The following PARD3B variants were observed in gnomAD, a reference collection of about 807,000 sequenced individuals.
PARD3B encodes partitioning defective 3 homolog B.
A neutral mutation model predicts 130.2 loss-of-function variants in PARD3B; 103 were observed. The ratio of observed to expected loss-of-function variants is 0.79; its 90% CI spans 0.67 to 0.93. The LOEUF (loss-of-function observed/expected upper bound fraction) is 0.93, where lower values mean the gene tolerates loss of function less well. PARD3B is among the 40% of genes least tolerant of loss of function. The pLI is 0.00. For missense variants in PARD3B, 1,609 were observed against 1,499.2 expected (o/e 1.07, Z -1.21); for synonymous variants, 583 against 553.2 (o/e 1.05, Z -0.76).
Position 205,068,528 on chromosome 2 carries a change from T to G in PARD3B, c.504+20838T>G, listed in dbSNP as rs188232645. On this transcript the variant is annotated intron_variant, in intron 4 of 22. Transcript: ENST00000406610. ...TTTCCAGTTTATTAACTTTTGCTTT[T>G]ATTTCCTTTATTTTAGTTTTAAGTA... is the stretch of plus-strand genomic sequence containing the variant. Among the ~76,000 whole-genome samples the G allele has an allele frequency of 2.6e-5, 4 of 152,232 alleles. 1 individual carries two copies. Among genetic ancestry groups the G allele is most frequent in the South Asian group, 4.1e-4 (2 of 4,828 alleles).
chr2:204,803,144 G>GAA (rs67190837), intron 2 of PARD3B, among the ~76,000 whole-genome samples: 41 of 120,120 alleles, frequency 3.4e-4, no homozygotes, highest in African/African-American at 6.7e-4. Context: ...AGTGCTGAAG[G>GAA]AAAAAAAAAA....
intron 18 of PARD3B, among the ~76,000 whole-genome samples, chr2:205,381,107 GA>G (rs1234420082): frequency 1.1e-4 from 7 of 62,552 alleles, no homozygotes; most frequent in African/African-American, 4.1e-4. Context: ...AATATATAAA[GA>G]ATATATATTA....
intron 1 of PARD3B, among the ~76,000 whole-genome samples, chr2:204,602,668 A>G (rs2033560413): frequency 6.6e-6 from 1 of 150,770 alleles, no homozygotes; most frequent in African/African-American, 2.4e-5. Flanking sequence ...ATCAACCCTT[A>G]TTGTGTAAAG....
chr2:205,543,123 G>A (rs1322038135), intron 21 of PARD3B, among the ~76,000 whole-genome samples: 1 of 152,086 alleles, frequency 6.6e-6, no homozygotes, highest in Non-Finnish European at 1.5e-5. Flanking sequence ...AAGATGATAT[G>A]CCAGGCCTTG....
In PARD3B at chr2:205,054,961, A is replaced by G. The variant is rs1699542108; in HGVS notation, c.504+7271A>G. On this transcript the variant is annotated intron_variant, in intron 4 of 22. Coordinates refer to ENST00000406610, the MANE Select transcript of PARD3B (RefSeq NM_001302769.2). The stretch of plus-strand genomic sequence containing the variant: ...TTCCTAACCCCTGAAGGGAATTGCC[A>G]TGTGCAGTATCTCTATTAGCTGTTA... Among the ~76,000 whole-genome samples the G allele has an allele frequency of 2.0e-5, 3 of 152,044 alleles. No homozygotes were observed. The South Asian group carries it at 6.2e-4, about 32-fold the overall frequency.
At chr2:205,605,492 GTTTGT>G (rs975430800) in intron 22 of PARD3B, among the ~76,000 whole-genome samples, 5 of 152,026 alleles carry the variant, frequency 3.3e-5, no homozygotes, top group African/African-American at 4.8e-5. Flanking sequence ...TTGTTTGTTT[GTTTGT>G]TTTAACAGTC....
chr2:205,047,436 A>C (rs2125412239), intron 3 of PARD3B, 145 bp from the exon 4 acceptor site: 1 of 566,104 alleles, frequency 1.8e-6, no homozygotes, highest in East Asian at 2.9e-5. Context: ...AGATCATTAA[A>C]TGGATTAATT....
chr2:204,982,921 A>G (rs1692799865), intron 3 of PARD3B, among the ~76,000 whole-genome samples: 1 of 152,228 alleles, frequency 6.6e-6, no homozygotes, highest in Non-Finnish European at 1.5e-5. Context: ...CAAATTGCAT[A>G]TATCTGAAAG....
chr2:204,942,666 C>T (rs1688994010), intron 2 of PARD3B, among the ~76,000 whole-genome samples: 1 of 151,570 alleles, frequency 6.6e-6, no homozygotes, highest in African/African-American at 2.4e-5. Flanking sequence ...CTTTGGTCAC[C>T]AGTGAACTGA....
intron 2 of PARD3B, among the ~76,000 whole-genome samples, chr2:204,862,187 T>C (rs1461119520): frequency 6.6e-6 from 1 of 152,158 alleles, no homozygotes; most frequent in Non-Finnish European, 1.5e-5. Context: ...CAGCTCTTTT[T>C]CCTTGTCCTC....
Position 205,091,732 on chromosome 2 carries a change from G to C in PARD3B, c.505-12694G>C, listed in dbSNP as rs915060462. 2.0e-5 allele frequency among the ~76,000 whole-genome samples: 3 copies of C among 152,076 alleles called. No individual in the cohort carries two copies. Among genetic ancestry groups the C allele is most frequent in the African/African-American group, 7.2e-5 (3 of 41,412 alleles). On this transcript the variant is annotated intron_variant, in intron 4 of 22. Coordinates refer to ENST00000406610, the MANE Select transcript of PARD3B (RefSeq NM_001302769.2). This position sits in a 1 kb window ranked among gnomAD's most constrained non-coding sequence, Gnocchi z 4.2. ...TGGGATCTTGCTGGTGCTCAGTTGA[G>C]TTGAATTATAGAACATGCAAAGGGG...
At chr2:205,333,358 T>C (rs530723616) in intron 18 of PARD3B, among the ~76,000 whole-genome samples, 11 of 152,286 alleles carry the variant, frequency 7.2e-5, no homozygotes, top group Admixed American at 2.0e-4. Flanking sequence ...CTATTGCTTA[T>C]ATATTGAAAT....
At chr2:204,739,980 T>C (rs186472771) in intron 2 of PARD3B, among the ~76,000 whole-genome samples, 3 of 151,978 alleles carry the variant, frequency 2.0e-5, no homozygotes, top group African/African-American at 7.2e-5. Context: ...CCCTAAACTT[T>C]AATTCTGTTT....
chr2:204,626,973 G>T (rs550873051), intron 1 of PARD3B, among the ~76,000 whole-genome samples: 1 of 152,206 alleles, frequency 6.6e-6, no homozygotes, highest in African/African-American at 2.4e-5. Flanking sequence ...CCTGTCAAGG[G>T]AGGGAGGTGA....
In PARD3B at chr2:205,499,927, A is replaced by G; in HGVS notation, c.3076A>G (p.Ile1026Val). 2 of 1,613,852 alleles carry G rather than the reference A, an allele frequency of 1.2e-6. No individual in the cohort carries two copies. The highest frequency in any genetic ancestry group is 1.7e-6 in the Non-Finnish European group (2 of 1,179,752). Residue 1026 changes from isoleucine to valine, a missense_variant, in exon 21 of 23, where the codon ATC becomes GTC. Physicochemically the swap from Ile to Val is conservative, Grantham distance 29. Coordinates refer to ENST00000406610, the MANE Select transcript of PARD3B (RefSeq NM_001302769.2). ...TCCTACGGGTGGAAGCACTGACCGT[A>G]TCCAGAAGTTGCGGAAAGAGTATTA... ...GRPTGGSTDR[I>V]QKLRKEYYQA...
At chr2:204,611,858 ATG>A (rs1433461011) in intron 1 of PARD3B, among the ~76,000 whole-genome samples, 5 of 141,090 alleles carry the variant, frequency 3.5e-5, no homozygotes, top group African/African-American at 1.3e-4. Context: ...ATCTATATAT[ATG>A]TGCAAGCTTG....
chr2:205,316,541 G>C (rs2042569368), intron 18 of PARD3B, among the ~76,000 whole-genome samples: 1 of 151,984 alleles, frequency 6.6e-6, no homozygotes, highest in Non-Finnish European at 1.5e-5. Flanking sequence ...GGAAAACCCA[G>C]AAAAAAATGT....
In PARD3B at chr2:205,244,358, G is replaced by A. The variant is rs1281641498; in HGVS notation, c.2141-1420G>A. ...GACCACAGTTTTGTGTACTAACATA[G>A]ACAGTGGCACATGGTAATAAACAGC... On this transcript the variant is annotated intron_variant, in intron 15 of 22. Transcript: ENST00000406610. This position sits in a 1 kb window ranked among gnomAD's most constrained non-coding sequence, Gnocchi z 4.7. Among the ~76,000 whole-genome samples the A allele has an allele frequency of 6.6e-6, 1 of 152,190 alleles. No homozygotes were observed. The highest frequency in any genetic ancestry group is 6.5e-5 in the Admixed American group (1 of 15,284).
chr2:205,311,923 T>C (rs540231124), intron 18 of PARD3B, among the ~76,000 whole-genome samples: 3 of 152,202 alleles, frequency 2.0e-5, no homozygotes, highest in African/African-American at 7.2e-5. Context: ...GGGTTTGGAC[T>C]TGGTATTCTT....
Sources: gnomAD v4.1 joint callset for allele counts (sites outside exome capture counted in the v4.1 genomes callset) on GRCh38, gnomAD v4.1.1 for gene constraint, Gnocchi (gnomAD v3.1) non-coding constraint, MANE v1.5 for transcripts, NCBI Gene and HGNC (gene_info 2026-07-23, HGNC 2026-07-21) for gene names.